The following AKAP7 variants were observed in gnomAD, a reference collection of about 807,000 sequenced individuals.
AKAP7 encodes the protein A-kinase anchoring protein 7.
A neutral mutation model predicts 39.5 loss-of-function variants in AKAP7; 39 were observed. That is an observed-to-expected ratio of 0.99 (90% CI 0.76 to 1.29). The LOEUF is 1.29. AKAP7 is among the 50% of genes most tolerant of loss of function. The pLI is 0.00. For synonymous variants in AKAP7, 140 were observed against 139.1 expected (o/e 1.01, Z -0.05); for missense variants, 414 against 407.7 (o/e 1.02, Z -0.13).
intron 2 of AKAP7, among the ~76,000 whole-genome samples, 195 bp from the exon 3 acceptor site, chr6:131,159,864 G>A (rs766544598): frequency 2.6e-5 from 4 of 152,124 alleles, no homozygotes; most frequent in African/African-American, 4.8e-5. Context: ...AGTAGTTAAC[G>A]GCAGAGACTA....
At chr6:131,133,847 C>T (rs1184339888), upstream of AKAP7, among the ~76,000 whole-genome samples, 1 of 152,132 alleles carries the variant, frequency 6.6e-6, no homozygotes, top group Non-Finnish European at 1.5e-5. Context: ...TGTGGAGAGG[C>T]TAGACAAAGG....
At chr6:131,201,835 T>C (rs9492860) in intron 6 of AKAP7, among the ~76,000 whole-genome samples, 4,682 of 152,222 alleles carry the variant, frequency 0.031, 167 homozygotes, top group African/African-American at 0.085. Context: ...CCCAGCACCA[T>C]TTATTAAATA....
intron 2 of AKAP7, among the ~76,000 whole-genome samples, chr6:131,151,100 T>C (rs1801872632): frequency 1.3e-5 from 2 of 152,070 alleles, no homozygotes; most frequent in African/African-American, 2.4e-5. Context: ...TGGAGTGTAG[T>C]GGTGTGATCT....
chr6:131,266,879 G>A (rs1024091981), intron 7 of AKAP7, among the ~76,000 whole-genome samples: 3 of 151,912 alleles, frequency 2.0e-5, no homozygotes, highest in Admixed American at 6.6e-5. Flanking sequence ...TATAATTCTC[G>A]ATAAACTTGG....
intron 6 of AKAP7, among the ~76,000 whole-genome samples, chr6:131,217,598 C>A (rs1809301360): frequency 6.6e-6 from 1 of 152,116 alleles, no homozygotes; most frequent in Admixed American, 6.5e-5. Flanking sequence ...GGAATTAATT[C>A]TGTTTCACTT....
chr6:131,218,476 T>C (rs1229638981), intron 6 of AKAP7, among the ~76,000 whole-genome samples: 1 of 152,228 alleles, frequency 6.6e-6, no homozygotes, highest in East Asian at 1.9e-4. Context: ...CATAAAATTA[T>C]AGCAGTGGCA....
chr6:131,188,818 A>C, intron 5 of AKAP7, among the ~76,000 whole-genome samples: 1 of 151,316 alleles, frequency 6.6e-6, no homozygotes, highest in Admixed American at 6.6e-5. Context: ...CTCCCAGAGT[A>C]CTGGGATTAT....
At chr6:131,277,106 G>A (rs1814807378) in intron 7 of AKAP7, among the ~76,000 whole-genome samples, 1 of 152,154 alleles carries the variant, frequency 6.6e-6, no homozygotes, top group Non-Finnish European at 1.5e-5. Flanking sequence ...CAGAATCATA[G>A]GTACGAACCC....
Position 131,224,730 on chromosome 6 carries a change from C to CTTTTTTTTTT in AKAP7, c.850+4942_850+4951dup, listed in dbSNP as rs779047229. On this transcript the variant is annotated intron_variant, in intron 7 of 7. Coordinates refer to ENST00000431975, the MANE Select transcript of AKAP7 (RefSeq NM_016377.4). ...GTTTGTAAAGTTTCCAGTTGATTCA[C>CTTTTTTTTTT]TTTTTTTTTTTTTTTTTTTTTTTTT... 5.4e-5 allele frequency among the ~76,000 whole-genome samples: 3 copies of CTTTTTTTTTT among 55,086 alleles called. 1 individual carries two copies. The highest frequency in any genetic ancestry group is 2.2e-4 in the African/African-American group (3 of 13,664). The allele number at this position is 55,086 out of a possible 152,430, so 36.1% of individuals were successfully genotyped here. A position where few individuals can be genotyped will look rare whatever the true frequency, so the allele number is the denominator to read the frequency against.
At chr6:131,256,390 C>CCAT (rs1367718270) in intron 7 of AKAP7, among the ~76,000 whole-genome samples, 1 of 152,202 alleles carries the variant, frequency 6.6e-6, no homozygotes, top group African/African-American at 2.4e-5. Context: ...CTTCCTGATT[C>CCAT]CATCTATTAA....
intron 7 of AKAP7, among the ~76,000 whole-genome samples, chr6:131,256,981 T>C (rs1316251095): frequency 6.6e-6 from 1 of 151,488 alleles, no homozygotes; most frequent in Admixed American, 6.7e-5. Flanking sequence ...TCAATGTCTA[T>C]ATGGTAGAAA....
intron 2 of AKAP7, among the ~76,000 whole-genome samples, chr6:131,150,909 G>T (rs1801859162): frequency 6.6e-6 from 1 of 151,898 alleles, no homozygotes; most frequent in Non-Finnish European, 1.5e-5. Flanking sequence ...AGTTTCACCA[G>T]GTTTTTTCTT....
intron 7 of AKAP7, among the ~76,000 whole-genome samples, chr6:131,256,557 G>A (rs551254665): frequency 1.5e-4 from 23 of 152,152 alleles, no homozygotes; most frequent in Non-Finnish European, 2.9e-4. Context: ...GCCATGAGCT[G>A]TATCCAAAAG....
chr6:131,187,840 A>G (rs1806020120), intron 5 of AKAP7, among the ~76,000 whole-genome samples: 1 of 152,184 alleles, frequency 6.6e-6, no homozygotes, highest in African/African-American at 2.4e-5. Context: ...CTGGTGTTCT[A>G]GAATCCCCTA....
intron 7 of AKAP7, among the ~76,000 whole-genome samples, chr6:131,264,211 C>T (rs1244301837): frequency 2.6e-5 from 4 of 152,134 alleles, no homozygotes; most frequent in Non-Finnish European, 5.9e-5. Context: ...ATGATTGCGA[C>T]GTTTACCACA....
intron 7 of AKAP7, among the ~76,000 whole-genome samples, chr6:131,267,962 G>C (rs1461980320): frequency 6.6e-6 from 1 of 152,128 alleles, no homozygotes; most frequent in East Asian, 1.9e-4. Context: ...CACAAAAGAG[G>C]ATGCTCAATG....
At chr6:131,219,373 C>T (rs987663934) in intron 6 of AKAP7, among the ~76,000 whole-genome samples, 45 of 151,788 alleles carry the variant, frequency 3.0e-4, no homozygotes, top group Admixed American at 2.8e-3. Context: ...CATTTTAACT[C>T]AGTATACTTT....
intron 6 of AKAP7, among the ~76,000 whole-genome samples, chr6:131,213,396 A>G (rs1336856237): frequency 3.9e-5 from 6 of 152,256 alleles, no homozygotes; most frequent in Non-Finnish European, 8.8e-5. Flanking sequence ...AGAAGGAAAC[A>G]TAATAGATTA....
Position 131,209,651 on chromosome 6 carries a change from T to C in AKAP7, c.703-10010T>C, listed in dbSNP as rs895491790. Among the ~76,000 whole-genome samples, 11 of 152,186 alleles carry C rather than the reference T, an allele frequency of 7.2e-5. No individual in the cohort carries two copies. The East Asian group carries it at 9.6e-4, about 13-fold the overall frequency. ...TTCAAGTTAATTAAAATTGCATGTG[T>C]TTGCCTTAATTATATTAAATATAAA... On this transcript the variant is annotated intron_variant, in intron 6 of 7. Transcript: ENST00000431975.
Sources: gnomAD v4.1 joint callset for allele counts (sites outside exome capture counted in the v4.1 genomes callset) on GRCh38, gnomAD v4.1.1 for gene constraint, MANE v1.5 for transcripts, NCBI Gene and HGNC (gene_info 2026-07-23, HGNC 2026-07-21) for gene names.